TTC3: variants seen among roughly 807,000 people sequenced by gnomAD.
TTC3 encodes the protein E3 ubiquitin-protein ligase TTC3.
A neutral mutation model predicts 249.6 loss-of-function variants in TTC3; 180 were observed. The ratio of observed to expected loss-of-function variants is 0.72; its 90% CI spans 0.64 to 0.82. The LOEUF is 0.82. TTC3 is among the 40% of genes least tolerant of loss of function. TTC3 has a pLI of 0.00. For missense variants in TTC3, 2,061 were observed against 2,398.4 expected (o/e 0.86, Z 2.94); for synonymous variants, 717 against 805.0 (o/e 0.89, Z 1.85).
At chr21:37,138,206 G>A (rs904712602) in intron 18 of TTC3, among the ~76,000 whole-genome samples, 1 of 152,120 alleles carries the variant, frequency 6.6e-6, no homozygotes, top group East Asian at 1.9e-4. Context: ...TATGCACTGG[G>A]AAACCCACAA....
intron 21 of TTC3, among the ~76,000 whole-genome samples, chr21:37,146,003 C>G (rs2078952388): frequency 6.6e-6 from 1 of 152,196 alleles, no homozygotes; most frequent in Non-Finnish European, 1.5e-5. Flanking sequence ...ACCATATGAT[C>G]CAGCAGTTTC....
At chr21:37,078,757 GTTC>G (rs1325299426) in intron 1 of TTC3, among the ~76,000 whole-genome samples, 2 of 151,990 alleles carry the variant, frequency 1.3e-5, no homozygotes, top group African/African-American at 4.8e-5. Flanking sequence ...GACAGTTTTA[GTTC>G]TTCTAGTTAT....
intron 44 of TTC3, among the ~76,000 whole-genome samples, chr21:37,200,000 GT>G (rs2085332533): frequency 1.3e-5 from 2 of 152,118 alleles, no homozygotes; most frequent in Admixed American, 6.5e-5. Context: ...ACATAAAACA[GT>G]TTTTTCTCTG....
At chr21:37,090,571 T>A (rs1405905012) in intron 6 of TTC3, 4 of 943,140 alleles carry the variant, frequency 4.2e-6, no homozygotes, top group Non-Finnish European at 5.1e-6. Context: ...TTTCCCCAAA[T>A]GAAATTATTA....
rs752080842 is a variant in TTC3 at position 37,122,966 on chromosome 21, T to C, written c.1064-17T>C. The C allele has an allele frequency of 1.0e-5, 15 of 1,461,392 alleles. No homozygotes were observed. The highest frequency in any genetic ancestry group is 1.3e-5 in the Non-Finnish European group (15 of 1,111,606). 90.5% of individuals were successfully genotyped at this position (1,461,392 alleles called of 1,614,324 possible). On this transcript the variant is annotated splice_polypyrimidine_tract_variant and intron_variant, in intron 12 of 45. Transcript: ENST00000355666. The stretch of plus-strand genomic sequence containing the variant: ...CCATTGATTACTATGTGTGTGTGTG[T>C]GTGATGACTTTTATAGGTCGAACAG...
chr21:37,160,886 TGTCTA>T (rs2080670562), intron 30 of TTC3, 28 bp downstream of exon 30: 1 of 1,601,240 alleles, frequency 6.2e-7, no homozygotes, highest in Admixed American at 1.7e-5. Context: ...TATTAATTCT[TGTCTA>T]AACTCTCCAA....
exon 27 of TTC3, chr21:37,153,110 C>A (rs902362484): frequency 1.9e-6 from 3 of 1,613,702 alleles, no homozygotes; most frequent in Non-Finnish European, 2.5e-6. Flanking sequence ...GACTATACAA[C>A]CTGTTTTTCT....
intron 15 of TTC3, 31 bp downstream of exon 15, chr21:37,126,174 A>G: frequency 6.3e-7 from 1 of 1,599,668 alleles, no homozygotes; most frequent in Non-Finnish European, 8.5e-7. Context: ...AATTGTTGCC[A>G]AGTTAATATA....
chr21:37,100,704 C>T (rs1568914139), intron 10 of TTC3: 1 of 152,264 alleles, frequency 6.6e-6, no homozygotes, highest in Non-Finnish European at 1.5e-5. Context: ...GCGCTGCCTC[C>T]TGCGCCCCCA....
chr21:37,198,003 CAGA>C (rs758361215), exon 44 of TTC3: 1 of 1,612,700 alleles, frequency 6.2e-7, no homozygotes, highest in African/African-American at 1.3e-5. Flanking sequence ...GGGCAGAAAG[CAGA>C]AGATGTCCCT....
chr21:37,156,987 A>G, intron 28 of TTC3, 81 bp downstream of exon 28: 2 of 1,497,530 alleles, frequency 1.3e-6, no homozygotes, highest in Non-Finnish European at 1.8e-6. Flanking sequence ...TTGTTTAAAT[A>G]TATAACAAAG....
intron 11 of TTC3, among the ~76,000 whole-genome samples, chr21:37,119,788 A>G (rs2076440346): frequency 6.6e-6 from 1 of 152,164 alleles, no homozygotes; most frequent in Non-Finnish European, 1.5e-5. Flanking sequence ...GGAGGGAAAA[A>G]TCAAGTCCTT....
intron 36 of TTC3, among the ~76,000 whole-genome samples, chr21:37,184,056 G>C (rs1459753992): frequency 6.6e-6 from 1 of 152,084 alleles, no homozygotes; most frequent in African/African-American, 2.4e-5. Flanking sequence ...AAACAATGAG[G>C]AAAAGTAAAA....
intron 14 of TTC3, 38 bp from the exon 15 acceptor site, chr21:37,126,042 T>TTG: frequency 2.1e-6 from 1 of 475,812 alleles, no homozygotes; most frequent in Non-Finnish European, 2.9e-6. Flanking sequence ...GGCTGGGTTG[T>TTG]TTTTTTTTTT....
intron 11 of TTC3, among the ~76,000 whole-genome samples, chr21:37,110,014 G>A (rs542920049): frequency 7.1e-6 from 1 of 140,584 alleles, no homozygotes; most frequent in African/African-American, 2.7e-5. Flanking sequence ...GCTGTTAGAA[G>A]GAAAACTAAC....
At chr21:37,097,375 G>A (rs540335929) in intron 10 of TTC3, among the ~76,000 whole-genome samples, 28 of 152,302 alleles carry the variant, frequency 1.8e-4, no homozygotes, top group Non-Finnish European at 3.5e-4. Context: ...TAAGAAAGGT[G>A]TAGGGTGAAT....
intron 20 of TTC3, among the ~76,000 whole-genome samples, chr21:37,141,024 T>C (rs1352743174): frequency 2.6e-5 from 4 of 152,246 alleles, no homozygotes; most frequent in Non-Finnish European, 5.9e-5. Context: ...TTAATTATTT[T>C]TTAAAAATCT....
intron 26 of TTC3, among the ~76,000 whole-genome samples, chr21:37,152,379 G>GT (rs5843795): frequency 1.2e-3 from 170 of 139,208 alleles, no homozygotes; most frequent in East Asian, 2.7e-3. Context: ...GAACTAAGTT[G>GT]TTTTTTTTTT....
intron 11 of TTC3, among the ~76,000 whole-genome samples, chr21:37,120,437 T>C (rs934854803): frequency 6.6e-6 from 1 of 152,128 alleles, no homozygotes; most frequent in African/African-American, 2.4e-5. Flanking sequence ...TCTCTGCAAA[T>C]TTAGTAGATT....
Sources: gnomAD v4.1 joint callset for allele counts (sites outside exome capture counted in the v4.1 genomes callset) on GRCh38, gnomAD v4.1.1 for gene constraint, MANE v1.5 for transcripts, NCBI Gene and HGNC (gene_info 2026-07-23, HGNC 2026-07-21) for gene names.